The following ACOX1 variants were observed in gnomAD, a reference collection of about 807,000 sequenced individuals.
ACOX1 encodes the protein peroxisomal acyl-coenzyme A oxidase 1.
In ACOX1, 41 loss-of-function variants were observed where a neutral mutation model predicts 75.5. The observed-to-expected ratio is 0.54, with a 90% CI of 0.42 to 0.70. The LOEUF is 0.70. Ranked by LOEUF, ACOX1 falls within the 30% of genes least tolerant of loss-of-function variation. ACOX1 has a pLI of 0.00. For missense variants in ACOX1, 630 were observed against 837.5 expected (o/e 0.75, Z 3.06); for synonymous variants, 303 against 298.8 (o/e 1.01, Z -0.15).
Position 75,978,578 on chromosome 17 carries a change from CCTCATCTT to C in ACOX1, c.217_224del (p.Lys73GlyfsTer6). ...CATCAGGGTCAGCGATGCCAAACTC[CCTCATCTT>C]CTTCACCATGATGGCACTTTTCCTG... On this transcript the variant is annotated frameshift_variant, in exon 2 of 14. Transcript: ENST00000293217. LOFTEE classifies it high-confidence loss of function. The surrounding 1 kb of genome is among the most constrained non-coding windows in gnomAD (Gnocchi z 4.2). The C allele has an allele frequency of 6.2e-7, 1 of 1,614,194 alleles. No individual in the cohort carries two copies. Among genetic ancestry groups the C allele is most frequent in the Non-Finnish European group, 8.5e-7 (1 of 1,180,042 alleles).
chr17:75,959,149 T>A (rs1314924303), intron 3 of ACOX1, among the ~76,000 whole-genome samples: 1 of 152,240 alleles, frequency 6.6e-6, no homozygotes, highest in Non-Finnish European at 1.5e-5. Flanking sequence ...TCTGCTTTCA[T>A]AACGCTTAGA....
intron 6 of ACOX1, among the ~76,000 whole-genome samples, chr17:75,954,529 A>G (rs1182046196): frequency 2.7e-5 from 4 of 148,716 alleles, no homozygotes; most frequent in Non-Finnish European, 4.4e-5. Context: ...TCAAAAAAAA[A>G]AAAAAGGGGC....
intron 2 of ACOX1, among the ~76,000 whole-genome samples, chr17:75,963,568 G>A (rs563584719): frequency 2.0e-5 from 3 of 151,988 alleles, no homozygotes; most frequent in Non-Finnish European, 2.9e-5. Flanking sequence ...GTGTGGCAGC[G>A]CCAGCCTCTA....
chr17:75,954,171 G>T (rs1482569816), intron 6 of ACOX1, among the ~76,000 whole-genome samples: 1 of 148,008 alleles, frequency 6.8e-6, no homozygotes, highest in Non-Finnish European at 1.5e-5. Context: ...AGCTGAGATT[G>T]CGCCACTGCA....
At chr17:75,951,657 C>T in intron 7 of ACOX1, 80 bp from the exon 8 acceptor site, 2 of 1,449,040 alleles carry the variant, frequency 1.4e-6, no homozygotes, top group Non-Finnish European at 1.9e-6. Context: ...CTAATCTAAG[C>T]ACTTGGTATT....
Position 75,950,974 on chromosome 17 carries a change from C to G in ACOX1, c.1108-10G>C. 3 of 1,613,472 alleles carry G rather than the reference C, an allele frequency of 1.9e-6. No individual in the cohort carries two copies. Among genetic ancestry groups the G allele is most frequent in the Non-Finnish European group, 2.5e-6 (3 of 1,179,740 alleles). ...CGGTGAGGGCATGAAGCTGAGAGGACAAGCACAGATCTGTCAGGACATCTG... is the reference window on the plus strand; with the variant it reads ...CGGTGAGGGCATGAAGCTGAGAGGAGAAGCACAGATCTGTCAGGACATCTG... On this transcript the variant is annotated splice_polypyrimidine_tract_variant and intron_variant, in intron 8 of 13. Transcript: ENST00000293217. This position sits in a 1 kb window ranked among gnomAD's most constrained non-coding sequence, Gnocchi z 4.3.
chr17:75,943,636 T>C lies in ACOX1; in HGVS notation c.*3112A>G, dbSNP rs2065694237. 6.6e-6 allele frequency: 1 copy of C among 152,234 alleles called. No individual in the cohort carries two copies. The highest frequency in any genetic ancestry group is 2.4e-5 in the African/African-American group (1 of 41,458). The allele number at this position is 152,234 out of a possible 1,614,324, so 9.4% of individuals were successfully genotyped here. A position where few individuals can be genotyped will look rare whatever the true frequency, so the allele number is the denominator to read the frequency against. On this transcript the variant is annotated 3_prime_UTR_variant, in exon 14 of 14. Coordinates refer to ENST00000293217, the MANE Select transcript of ACOX1 (RefSeq NM_004035.7). Reference sequence around the variant, plus strand: ...AAGTGGTGACTTCTCAGAAAGCATATGAACACGGTGAATGTTGTAATGTTC... The same window carrying C: ...AAGTGGTGACTTCTCAGAAAGCATACGAACACGGTGAATGTTGTAATGTTC...
In ACOX1 at chr17:75,944,894, C is replaced by T. The variant is rs1379892118; in HGVS notation, c.*1854G>A. 1 of 152,130 alleles carries T rather than the reference C, an allele frequency of 6.6e-6. No homozygotes were observed. The highest frequency in any genetic ancestry group is 1.5e-5 in the Non-Finnish European group (1 of 68,044). 9.4% of individuals were successfully genotyped at this position (152,130 alleles called of 1,614,324 possible). ...AGCTGGGACTACAGGCGCGTGCTACCACCATGCCCAGCTAATTTTTGTATT... is the reference window on the plus strand; with the variant it reads ...AGCTGGGACTACAGGCGCGTGCTACTACCATGCCCAGCTAATTTTTGTATT... On this transcript the variant is annotated 3_prime_UTR_variant, in exon 14 of 14. Coordinates refer to ENST00000293217, the MANE Select transcript of ACOX1 (RefSeq NM_004035.7).
Position 75,978,323 on chromosome 17 carries a change from G to C in ACOX1, c.269+211C>G. On this transcript the variant is annotated intron_variant, in intron 2 of 13. Coordinates refer to ENST00000293217, the MANE Select transcript of ACOX1 (RefSeq NM_004035.7). This position sits in a 1 kb window ranked among gnomAD's most constrained non-coding sequence, Gnocchi z 4.2. The stretch of plus-strand genomic sequence containing the variant: ...TTAGCCAGAATGGTCTCGATCTCCT[G>C]ACTTGGTGATCCGCCCGCCTCGGCC... 1.9e-6 allele frequency: 1 copy of C among 520,022 alleles called. No individual in the cohort carries two copies. The highest frequency in any genetic ancestry group is 3.6e-6 in the Non-Finnish European group (1 of 280,186). 32.2% of individuals were successfully genotyped at this position (520,022 alleles called of 1,614,324 possible). A position where few individuals can be genotyped will look rare whatever the true frequency, so the allele number is the denominator to read the frequency against.
chr17:75,949,633 T>G, intron 10 of ACOX1, 33 bp from the exon 11 acceptor site: 5 of 1,613,212 alleles, frequency 3.1e-6, no homozygotes, highest in Non-Finnish European at 4.2e-6. Context: ...TCTGAGGAAA[T>G]GATCAACAGT....
At chr17:75,961,921 C>G (rs1044479359) in intron 2 of ACOX1, among the ~76,000 whole-genome samples, 5 of 152,068 alleles carry the variant, frequency 3.3e-5, no homozygotes, top group African/African-American at 7.2e-5. Context: ...AGGATTTCCT[C>G]TGATGAGAAA....
chr17:75,974,999 G>A (rs1349635665), intron 2 of ACOX1, among the ~76,000 whole-genome samples: 3 of 131,650 alleles, frequency 2.3e-5, no homozygotes, highest in Admixed American at 8.7e-5. Flanking sequence ...GTAGTGAGCC[G>A]AGATCGCACC....
intron 8 of ACOX1, among the ~76,000 whole-genome samples, 188 bp downstream of exon 8, chr17:75,951,227 A>G (rs2065771076): frequency 6.6e-6 from 1 of 152,200 alleles, no homozygotes; most frequent in African/African-American, 2.4e-5. Flanking sequence ...AGTATTTCTG[A>G]TAACACTAAA....
At chr17:75,965,337 C>CAAAAAAAAAAAAAAAAAAA (rs11293371) in intron 2 of ACOX1, among the ~76,000 whole-genome samples, 2 of 81,712 alleles carry the variant, frequency 2.4e-5, no homozygotes, top group Non-Finnish European at 5.2e-5. Context: ...GACTCTGTCT[C>CAAAAAAAAAAAAAAAAAAA]AAAAAAAAAA....
At position 75,967,620 on chromosome 17, in the gene ACOX1, A is replaced by ATATATATATACATACATATATATACG. The variant is rs1403287156; in HGVS notation, c.270-7271_270-7246dup. 9.9e-3 allele frequency among the ~76,000 whole-genome samples: 911 copies of ATATATATATACATACATATATATACG among 91,906 alleles called. 79 individuals are homozygous for ATATATATATACATACATATATATACG. In the East Asian group the frequency reaches 0.16, roughly 16 times the overall value. 60.3% of individuals were successfully genotyped at this position (91,906 alleles called of 152,430 possible). On this transcript the variant is annotated intron_variant, in intron 2 of 13. Coordinates refer to ENST00000293217, the MANE Select transcript of ACOX1 (RefSeq NM_004035.7). Reference sequence around the variant, plus strand: ...TCGAAATATATATATATATACATACATATATATATACATACATATATATAC... The same window carrying ATATATATATACATACATATATATACG: ...TCGAAATATATATATATATACATACATATATATATACATACATATATATACGTATATATATACATACATATATATAC...
chr17:75,959,286 C>A (rs1171349893), intron 3 of ACOX1, among the ~76,000 whole-genome samples: 3 of 152,144 alleles, frequency 2.0e-5, no homozygotes, highest in Admixed American at 1.3e-4. Context: ...AAAGAAGCAG[C>A]TTTTACAGAA....
intron 3 of ACOX1, among the ~76,000 whole-genome samples, chr17:75,958,716 G>C (rs191590458): frequency 6.6e-6 from 1 of 151,472 alleles, no homozygotes; most frequent in African/African-American, 2.4e-5. Flanking sequence ...GCTGAGGCAG[G>C]AGAATGGCGT....
intron 3 of ACOX1, among the ~76,000 whole-genome samples, chr17:75,959,651 C>T (rs1276036408): frequency 6.6e-6 from 1 of 152,116 alleles, no homozygotes; most frequent in African/African-American, 2.4e-5. Flanking sequence ...GAGTCTGAAA[C>T]CAAATGCCTG....
At chr17:75,958,615 T>C (rs1342084800) in intron 3 of ACOX1, among the ~76,000 whole-genome samples, 2 of 151,830 alleles carry the variant, frequency 1.3e-5, no homozygotes. Context: ...GAGACCATCC[T>C]GGTTAACACG....
Sources: gnomAD v4.1 joint callset for allele counts (sites outside exome capture counted in the v4.1 genomes callset) on GRCh38, gnomAD v4.1.1 for gene constraint, Gnocchi (gnomAD v3.1) non-coding constraint, MANE v1.5 for transcripts, NCBI Gene and HGNC (gene_info 2026-07-23, HGNC 2026-07-21) for gene names.